The following FBXO25 variants were observed in gnomAD, a reference collection of about 807,000 sequenced individuals.
The protein encoded by FBXO25 is F-box protein 25.
In FBXO25, 45 loss-of-function variants were observed where a neutral mutation model predicts 51.9. That is an observed-to-expected ratio of 0.87 (90% confidence interval 0.68 to 1.11). FBXO25 has a LOEUF of 1.11. Ranked by LOEUF, FBXO25 falls within the 50% of genes most tolerant of loss-of-function variation. FBXO25 has a pLI of 0.00. For synonymous variants in FBXO25, 199 were observed against 151.0 expected (o/e 1.32, Z -2.33); for missense variants, 507 against 428.5 (o/e 1.18, Z -1.62).
chr8:457,788 A>G (rs943534907), intron 7 of FBXO25, among the ~76,000 whole-genome samples: 9 of 152,344 alleles, frequency 5.9e-5, no homozygotes, highest in East Asian at 1.9e-4. Flanking sequence ...CATGCTGCCA[A>G]TGTAGACAGA....
chr8:415,607 T>C (rs1796747181), intron 2 of FBXO25, among the ~76,000 whole-genome samples: 1 of 152,192 alleles, frequency 6.6e-6, no homozygotes, highest in Admixed American at 6.5e-5. Context: ...TGGTGATGTC[T>C]GCACAGCTGG....
At chr8:418,773 CAAAGTTTTTTT>C (rs1367612995) in intron 2 of FBXO25, among the ~76,000 whole-genome samples, 1 of 152,112 alleles carries the variant, frequency 6.6e-6, no homozygotes, top group African/African-American at 2.4e-5. Flanking sequence ...CAGGAGAAAT[CAAAGTTTTTTT>C]AACCAAGGTA....
intron 5 of FBXO25, among the ~76,000 whole-genome samples, chr8:436,907 C>T (rs1376670739): frequency 6.6e-6 from 1 of 152,158 alleles, no homozygotes; most frequent in Non-Finnish European, 1.5e-5. Context: ...AGGAGGAAGT[C>T]GTTGGCTCCT....
At chr8:452,692 T>C (rs1530662) in intron 7 of FBXO25, among the ~76,000 whole-genome samples, 83,446 of 152,038 alleles carry the variant, frequency 0.55, 24,804 homozygotes, top group African/African-American at 0.8. Context: ...CAGCCTTTCT[T>C]GTCTGGCTGG....
intron 2 of FBXO25, among the ~76,000 whole-genome samples, chr8:427,152 G>A (rs1478498840): frequency 6.6e-6 from 1 of 151,936 alleles, no homozygotes; most frequent in South Asian, 2.1e-4. Flanking sequence ...GATGAACACA[G>A]TGTGACTTAA....
Position 426,148 on chromosome 8 carries a change from C to G in FBXO25, c.135-5193C>G, listed in dbSNP as rs551495325. ...CAGCAGCTCCACAGATAAATAAAGA[C>G]CACCCTGCAGCTCACCTTTGCATCT... On this transcript the variant is annotated intron_variant, in intron 2 of 9. Coordinates refer to ENST00000350302, the MANE Select transcript of FBXO25 (RefSeq NM_183420.2). Among the ~76,000 whole-genome samples, 9 of 152,258 alleles carry G rather than the reference C, an allele frequency of 5.9e-5. No homozygotes were observed. The East Asian group carries it at 1.7e-3, about 29-fold the overall frequency.
At chr8:422,744 G>C (rs920912806) in intron 2 of FBXO25, among the ~76,000 whole-genome samples, 3 of 152,162 alleles carry the variant, frequency 2.0e-5, no homozygotes, top group African/African-American at 7.2e-5. Flanking sequence ...GCTGTCAGTC[G>C]TGTCTGGGGC....
chr8:448,911 A>G (rs1166745768), intron 5 of FBXO25, among the ~76,000 whole-genome samples: 2 of 152,240 alleles, frequency 1.3e-5, no homozygotes, highest in African/African-American at 2.4e-5. Context: ...TAAAATTCCA[A>G]AAGTAACCCC....
intron 2 of FBXO25, among the ~76,000 whole-genome samples, chr8:427,327 G>T (rs1797552767): frequency 6.6e-6 from 1 of 151,174 alleles, no homozygotes; most frequent in Admixed American, 6.6e-5. Flanking sequence ...TGTGTTTGAG[G>T]ATTTGTTCCA....
At chr8:465,666 T>C (rs1800109979) in intron 9 of FBXO25, among the ~76,000 whole-genome samples, 2 of 152,216 alleles carry the variant, frequency 1.3e-5, no homozygotes, top group Admixed American at 1.3e-4. Flanking sequence ...AGCTTGAAGA[T>C]AATTTCATAC....
intron 4 of FBXO25, among the ~76,000 whole-genome samples, chr8:434,419 C>T (rs908121281): frequency 7.9e-5 from 12 of 152,190 alleles, no homozygotes; most frequent in African/African-American, 2.7e-4. Flanking sequence ...ATGAGTGTTT[C>T]CTTTCCCCAG....
At chr8:413,612 G>GT (rs1796618482) in intron 2 of FBXO25, among the ~76,000 whole-genome samples, 1 of 152,124 alleles carries the variant, frequency 6.6e-6, no homozygotes, top group Non-Finnish European at 1.5e-5. Context: ...GACTTTGCTC[G>GT]TAACATTGTC....
At chr8:413,374 A>G (rs1796602998) in intron 2 of FBXO25, among the ~76,000 whole-genome samples, 161 bp downstream of exon 2, 1 of 151,954 alleles carries the variant, frequency 6.6e-6, no homozygotes, top group South Asian at 2.1e-4. Flanking sequence ...AGGCTAGTAG[A>G]TTGCCTAATA....
chr8:445,347 C>T (rs926669092), intron 5 of FBXO25, among the ~76,000 whole-genome samples: 1 of 152,116 alleles, frequency 6.6e-6, no homozygotes, highest in Admixed American at 6.5e-5. Context: ...GTCGGGAAGA[C>T]CTTATCTCCC....
intron 2 of FBXO25, among the ~76,000 whole-genome samples, chr8:414,941 C>G (rs1171305258): frequency 6.6e-6 from 1 of 152,134 alleles, no homozygotes; most frequent in Non-Finnish European, 1.5e-5. Flanking sequence ...AAATGGAAAT[C>G]CAAACCTGTG....
At chr8:441,148 A>G (rs1311933903) in intron 5 of FBXO25, among the ~76,000 whole-genome samples, 1 of 151,794 alleles carries the variant, frequency 6.6e-6, no homozygotes, top group African/African-American at 2.4e-5. Context: ...AAACAGCATG[A>G]TACTGGTACC....
At position 443,006 on chromosome 8, in the gene FBXO25, AAAG is replaced by A. The variant is rs1798523618; in HGVS notation, c.382-6980_382-6978del. On this transcript the variant is annotated intron_variant, in intron 5 of 9. Coordinates refer to ENST00000350302, the MANE Select transcript of FBXO25 (RefSeq NM_183420.2). Reference sequence around the variant, plus strand: ...TAACGCTCCTGAGAACAGATTTGTTAAAGAAGGTCCAAGAAATGACAGTGTTGT... The same window carrying A: ...TAACGCTCCTGAGAACAGATTTGTTAAAGGTCCAAGAAATGACAGTGTTGT... 5.9e-5 allele frequency among the ~76,000 whole-genome samples: 9 copies of A among 152,172 alleles called. No individual in the cohort carries two copies. In the South Asian group the frequency reaches 1.9e-3, roughly 31 times the overall value.
chr8:454,207 G>T (rs879824931), intron 7 of FBXO25, among the ~76,000 whole-genome samples: 4 of 152,206 alleles, frequency 2.6e-5, no homozygotes, highest in Non-Finnish European at 5.9e-5. Context: ...TATTTGTGTT[G>T]TAAAGTTCCT....
intron 2 of FBXO25, among the ~76,000 whole-genome samples, chr8:420,012 A>T (rs1797053479): frequency 6.6e-6 from 1 of 152,200 alleles, no homozygotes; most frequent in Non-Finnish European, 1.5e-5. Context: ...GCCCATGCAA[A>T]TAAGCAGAGA....
Sources: allele counts gnomAD v4.1 joint callset (sites outside exome capture counted in the v4.1 genomes callset), GRCh38; gene constraint gnomAD v4.1.1; transcripts MANE v1.5; gene names NCBI Gene and HGNC (gene_info 2026-07-23, HGNC 2026-07-21).